The following CACHD1 variants were observed in gnomAD, a reference collection of about 807,000 sequenced individuals.
CACHD1 encodes VWFA and cache domain-containing protein 1.
Under a neutral mutation model 138.7 loss-of-function variants are expected in CACHD1, and 71 were observed. That is an observed-to-expected ratio of 0.51 (90% CI 0.42 to 0.62). The LOEUF (loss-of-function observed/expected upper bound fraction) is 0.62. Ranked by LOEUF, CACHD1 falls within the 20% of genes least tolerant of loss-of-function variation. The pLI, the probability that CACHD1 is intolerant of heterozygous loss-of-function variation, is 0.00. For synonymous variants in CACHD1, 578 were observed against 591.5 expected, an observed-to-expected ratio of 0.98 and a Z score of 0.33; for missense variants, 1,389 against 1,625.3, an observed-to-expected ratio of 0.85 and a Z score of 2.50.
At position 64,607,040 on chromosome 1, in the gene CACHD1, G is replaced by GCAGT. The variant is rs538262613; in HGVS notation, c.517+4130_517+4133dup. On this transcript the variant is annotated intron_variant, in intron 4 of 26. Coordinates refer to ENST00000651257, the MANE Select transcript of CACHD1 (RefSeq NM_020925.4). ...CATAAGCAGTTGGATATACAAGTCT[G>GCAGT]CAGTCTAGGTAATAGCCAAGGCTAG... Among the ~76,000 whole-genome samples, 25 of 152,332 alleles carry GCAGT rather than the reference G, an allele frequency of 1.6e-4. 1 individual carries two copies. In the South Asian group the frequency reaches 5.2e-3, roughly 32 times the overall value.
At chr1:64,523,748 A>G (rs1437047779) in intron 1 of CACHD1, among the ~76,000 whole-genome samples, 4 of 152,214 alleles carry the variant, frequency 2.6e-5, no homozygotes, top group Non-Finnish European at 5.9e-5. Context: ...GACATATAAA[A>G]TGTATAAAGC....
intron 16 of CACHD1, among the ~76,000 whole-genome samples, chr1:64,667,667 T>G (rs1649679907): frequency 6.6e-6 from 1 of 152,148 alleles, no homozygotes; most frequent in Non-Finnish European, 1.5e-5. Context: ...CAAAGACTGT[T>G]TCTTTTGAGG....
intron 1 of CACHD1, among the ~76,000 whole-genome samples, chr1:64,514,718 CAG>C (rs1427838794): frequency 6.6e-6 from 1 of 152,178 alleles, no homozygotes; most frequent in African/African-American, 2.4e-5. Flanking sequence ...CAGTCTAACT[CAG>C]TGTGCCTTCT....
chr1:64,655,445 G>A (rs1021205540), intron 12 of CACHD1, among the ~76,000 whole-genome samples: 2 of 152,076 alleles, frequency 1.3e-5, no homozygotes, highest in Admixed American at 1.3e-4. Context: ...ATTACATCCA[G>A]TTGGTTTTTT....
At chr1:64,572,157 A>G (rs1005219670) in intron 2 of CACHD1, among the ~76,000 whole-genome samples, 1 of 152,110 alleles carries the variant, frequency 6.6e-6, no homozygotes, top group African/African-American at 2.4e-5. Flanking sequence ...TTAATATTCT[A>G]CACAAAAAGT....
intron 7 of CACHD1, 104 bp downstream of exon 7, chr1:64,634,364 A>G: frequency 4.4e-6 from 2 of 453,616 alleles, no homozygotes; most frequent in Non-Finnish European, 7.1e-6. Context: ...GATTTTATTT[A>G]TTTATTTATG....
At chr1:64,670,022 T>A (rs577868166) in intron 16 of CACHD1, among the ~76,000 whole-genome samples, 2 of 152,342 alleles carry the variant, frequency 1.3e-5, no homozygotes, top group Admixed American at 1.3e-4. Context: ...ATGATTCCTT[T>A]ATGGCTTTTT....
rs1647019427 is a variant in CACHD1, at chr1:64,582,278, C to T, written c.384C>T (p.Cys128=). The change falls in exon 3 of 27, where the codon TGC becomes TGT. Residue 128 remains cysteine (C), a synonymous_variant. Coordinates refer to ENST00000651257, the MANE Select transcript of CACHD1 (RefSeq NM_020925.4). Reference sequence around the variant, plus strand: ...CTCCCCTAACTGCAATTCAAGACTGCTGTACTATCCCACCTTCCATGATGG... The same window carrying T: ...CTCCCCTAACTGCAATTCAAGACTGTTGTACTATCCCACCTTCCATGATGG... The part of the protein sequence containing the change: ...LTSPLTAIQD[C]CTIPPSMMEF... The T allele has an allele frequency of 6.2e-7, 1 of 1,613,814 alleles. No homozygotes were observed. Among genetic ancestry groups the T allele is most frequent in the South Asian group, 1.1e-5 (1 of 91,022 alleles).
intron 1 of CACHD1, among the ~76,000 whole-genome samples, chr1:64,532,925 G>A (rs1646599954): frequency 2.6e-5 from 4 of 152,008 alleles, no homozygotes; most frequent in African/African-American, 9.7e-5. Context: ...GTGGTAGAAG[G>A]TAACAGCTCA....
At chr1:64,654,406 T>C (rs1478739416) in intron 11 of CACHD1, among the ~76,000 whole-genome samples, 4 of 152,178 alleles carry the variant, frequency 2.6e-5, no homozygotes, top group African/African-American at 7.2e-5. Flanking sequence ...TTTGTGCTCA[T>C]TGGTTGAAAA....
intron 3 of CACHD1, 119 bp from the exon 4 acceptor site, chr1:64,602,687 T>C (rs1177895300): frequency 1.5e-6 from 1 of 664,902 alleles, no homozygotes; most frequent in East Asian, 3.0e-5. Flanking sequence ...TATTTAAATC[T>C]AAATCATAGT....
chr1:64,628,536 T>C (rs1648192423), intron 4 of CACHD1, among the ~76,000 whole-genome samples: 1 of 152,092 alleles, frequency 6.6e-6, no homozygotes, highest in Non-Finnish European at 1.5e-5. Context: ...TGGGACAGGA[T>C]TGCACACAAC....
intron 24 of CACHD1, 23 bp downstream of exon 24, chr1:64,679,779 A>T (rs1291607321): frequency 1.9e-6 from 3 of 1,610,854 alleles, no homozygotes; most frequent in Non-Finnish European, 2.5e-6. Context: ...TGAACCCCAC[A>T]GGGGAGGCAG....
chr1:64,653,613 T>C, intron 10 of CACHD1, 145 bp from the exon 11 acceptor site: 1 of 685,690 alleles, frequency 1.5e-6, no homozygotes, highest in Non-Finnish European at 2.4e-6. Flanking sequence ...ATAAAACAGG[T>C]TCAGTTTTTA....
rs1251600301 is a variant in CACHD1 at position 64,676,948 on chromosome 1, C to G, written c.3029C>G (p.Pro1010Arg). 4 of 1,613,950 alleles carry G rather than the reference C, an allele frequency of 2.5e-6. No homozygotes were observed. The highest frequency in any genetic ancestry group is 2.7e-5 in the African/African-American group (2 of 74,910). Reference protein sequence around the residue: ...QEPVTYTAIDPGLQDALHQCV... With the variant: ...QEPVTYTAIDRGLQDALHQCV... ...CCGGTGACATACACAGCTATTGACC[C>G]TGGCCTGCAAGATGCTCTTCACCAG... Residue 1010 changes from proline (P) to arginine (R), a missense_variant, in exon 22 of 27, where the codon CCT becomes CGT. Physicochemically the swap from Pro to Arg is moderately radical, Grantham distance 103. Around this residue, in one of 5 missense-constraint regions of CACHD1, gnomAD observed 250 missense variants for 292.9 expected, o/e 0.85. Coordinates refer to ENST00000651257, the MANE Select transcript of CACHD1 (RefSeq NM_020925.4).
intron 4 of CACHD1, among the ~76,000 whole-genome samples, chr1:64,621,306 G>A (rs1557523356): frequency 6.6e-6 from 1 of 151,832 alleles, no homozygotes; most frequent in Non-Finnish European, 1.5e-5. Context: ...CATATATATG[G>A]TCTTGGGCCA....
chr1:64,553,462 T>C (rs1557489934), intron 2 of CACHD1, among the ~76,000 whole-genome samples: 1 of 152,192 alleles, frequency 6.6e-6, no homozygotes, highest in Non-Finnish European at 1.5e-5. Context: ...TCCTTTGAAC[T>C]TCAGAACAAC....
rs201780979 is a variant in CACHD1, at chr1:64,681,283, G to A, written c.3432G>A (p.Leu1144=). ...AQEMSVRMSN[L]ENDRDERDDD... ...AAATGTCAGTGCGTATGTCCAACCTGGAGAATGACAGAGATGAAAGGGACG... is the reference window on the plus strand; with the variant it reads ...AAATGTCAGTGCGTATGTCCAACCTAGAGAATGACAGAGATGAAAGGGACG... Residue 1144 remains leucine, a synonymous_variant, in exon 25 of 27, where the codon CTG becomes CTA. Coordinates refer to ENST00000651257, the MANE Select transcript of CACHD1 (RefSeq NM_020925.4). The A allele has an allele frequency of 6.2e-7, 1 of 1,613,802 alleles. No individual in the cohort carries two copies. The highest frequency in any genetic ancestry group is 2.2e-5 in the East Asian group (1 of 44,870).
chr1:64,584,925 A>C (rs1299472260), intron 3 of CACHD1, among the ~76,000 whole-genome samples: 1 of 152,214 alleles, frequency 6.6e-6, no homozygotes, highest in Non-Finnish European at 1.5e-5. Flanking sequence ...GCAGAGAACT[A>C]TACCAGATAG....
Sources: allele counts gnomAD v4.1 joint callset (sites outside exome capture counted in the v4.1 genomes callset), GRCh38; gene constraint gnomAD v4.1.1; regional missense constraint gnomAD v4.1.1; transcripts MANE v1.5; gene names NCBI Gene and HGNC (gene_info 2026-07-23, HGNC 2026-07-21).